The following TNNT1 variants were observed in gnomAD, a reference collection of about 807,000 sequenced individuals.
TNNT1 encodes the protein troponin T1, slow skeletal type, also known as troponin T, slow skeletal muscle.
Under a neutral mutation model 50.6 loss-of-function variants are expected in TNNT1, and 53 were observed. The observed-to-expected ratio is 1.05, with a 90% CI of 0.84 to 1.32. TNNT1 has a LOEUF of 1.32. Ranked by LOEUF, TNNT1 falls within the 40% of genes most tolerant of loss-of-function variation. The pLI is 0.00. For missense variants in TNNT1, 348 were observed against 381.7 expected (o/e 0.91, Z 0.74); for synonymous variants, 142 against 138.0 (o/e 1.03, Z -0.20).
chr19:55,132,809 T>C lies in TNNT1; in HGVS notation c.*106A>G, dbSNP rs1013698109. ...GAGACCAGCTGCATCTCAACCATAATAACATCAGAGAACCCAGCGGGTGTC... is the reference window on the plus strand; with the variant it reads ...GAGACCAGCTGCATCTCAACCATAACAACATCAGAGAACCCAGCGGGTGTC... On this transcript the variant is annotated 3_prime_UTR_variant, in exon 14 of 14. Coordinates refer to ENST00000588981, the MANE Select transcript of TNNT1 (RefSeq NM_003283.6). 2.8e-6 allele frequency: 3 copies of C among 1,071,254 alleles called. No individual in the cohort carries two copies. Among genetic ancestry groups the C allele is most frequent in the Middle Eastern group, 2.0e-4 (1 of 5,112 alleles). The allele number at this position is 1,071,254 out of a possible 1,614,324, so 66.4% of individuals were successfully genotyped here.
At chr19:55,147,068 G>A (rs368465305) in intron 2 of TNNT1, 47 bp from the exon 3 acceptor site, 10 of 1,613,166 alleles carry the variant, frequency 6.2e-6, no homozygotes, top group Non-Finnish European at 8.5e-6. Flanking sequence ...AGTTAGACCT[G>A]GGGTGGGAGA....
At chr19:55,146,920 C>T in intron 3 of TNNT1, 88 bp downstream of exon 3, 3 of 1,473,624 alleles carry the variant, frequency 2.0e-6, no homozygotes, top group Non-Finnish European at 2.7e-6. Flanking sequence ...CCGCCCCTTC[C>T]CCGCCAAAGT....
At chr19:55,145,004 A>G (rs2085521448) in intron 6 of TNNT1, among the ~76,000 whole-genome samples, 1 of 151,986 alleles carries the variant, frequency 6.6e-6, no homozygotes, top group African/African-American at 2.4e-5. Flanking sequence ...GAAAGAAGGA[A>G]ACAGACTGGC....
At chr19:55,146,614 C>T (rs762057772) in intron 4 of TNNT1, 67 bp downstream of exon 4, 2 of 1,181,736 alleles carry the variant, frequency 1.7e-6, no homozygotes, top group African/African-American at 3.1e-5. Context: ...CCCGCCCCCT[C>T]CTCCCGGGCC....
chr19:55,138,221 A>T, intron 9 of TNNT1, 147 bp from the exon 10 acceptor site: 1 of 1,395,188 alleles, frequency 7.2e-7, no homozygotes, highest in South Asian at 1.2e-5. Context: ...ACGCAGGGGT[A>T]CCCACTCCCG....
Position 55,146,682 on chromosome 19 carries a change from TTCC to T in TNNT1, c.69_71del (p.Glu24del), listed in dbSNP as rs760264736. 7.7e-5 allele frequency: 103 copies of T among 1,339,258 alleles called. No individual in the cohort carries two copies. Among genetic ancestry groups the T allele is most frequent in the Middle Eastern group, 5.2e-4 (2 of 3,812 alleles). The allele number at this position is 1,339,258 out of a possible 1,614,324, so 83.0% of individuals were successfully genotyped here. A position where few individuals can be genotyped will look rare whatever the true frequency, so the allele number is the denominator to read the frequency against. ...GACCTGCGGAGTCCGGGACCTCACCTTCCTCCTCCTCCTCCGCAGCCTCCTCTG... is the reference window on the plus strand; with the variant it reads ...GACCTGCGGAGTCCGGGACCTCACCTTCCTCCTCCTCCGCAGCCTCCTCTG... On this transcript the variant is annotated inframe_deletion and splice_region_variant, in exon 4 of 14. Coordinates refer to ENST00000588981, the MANE Select transcript of TNNT1 (RefSeq NM_003283.6).
At position 55,137,960 on chromosome 19, in the gene TNNT1, C is replaced by A; in HGVS notation, c.501+1G>T. The A allele has an allele frequency of 6.2e-7, 1 of 1,614,200 alleles. No individual in the cohort carries two copies. On this transcript the variant is annotated splice_donor_variant, in intron 10 of 13. Coordinates refer to ENST00000588981, the MANE Select transcript of TNNT1 (RefSeq NM_003283.6). LOFTEE classifies it high-confidence loss of function. ...CCTCAGGCTCCTGCAGGCTGACTCA[C>A]CTTGACCAGGTAGCCGCCAAAATGG...
At chr19:55,140,364 G>C (rs2085427848) in intron 9 of TNNT1, among the ~76,000 whole-genome samples, 1 of 151,768 alleles carries the variant, frequency 6.6e-6, no homozygotes, top group Non-Finnish European at 1.5e-5. Flanking sequence ...CAGCGACTCT[G>C]GAGGCTGAGG....
chr19:55,147,193 A>G (rs202110665), intron 1 of TNNT1, 25 bp from the exon 2 acceptor site: 2 of 1,611,000 alleles, frequency 1.2e-6, no homozygotes, highest in Middle Eastern at 1.7e-4. Flanking sequence ...GAAGAGGCCC[A>G]GTGGGGTGGG....
chr19:55,138,885 G>A (rs907157299), intron 9 of TNNT1, among the ~76,000 whole-genome samples: 3 of 152,160 alleles, frequency 2.0e-5, no homozygotes, highest in Admixed American at 6.6e-5. Flanking sequence ...TACGACATTC[G>A]AGAAACTCTT....
At position 55,145,526 on chromosome 19, in the gene TNNT1, C is replaced by T. The variant is rs747704323; in HGVS notation, c.128+18G>A. ...AGGAAGATGTATGACTGGGGCCCCC[C>T]ACCCTGTAGGATCTCACCTTGGTTT... is the stretch of plus-strand genomic sequence containing the variant. On this transcript the variant is annotated intron_variant, in intron 6 of 13. Coordinates refer to ENST00000588981, the MANE Select transcript of TNNT1 (RefSeq NM_003283.6). 1.2e-6 allele frequency: 2 copies of T among 1,613,152 alleles called. No individual in the cohort carries two copies. The highest frequency in any genetic ancestry group is 1.7e-5 in the Admixed American group (1 of 59,944).
rs199639821 is a variant in TNNT1, at chr19:55,140,871, G to A, written c.387+12C>T. 1 of 1,612,780 alleles carries A rather than the reference G, an allele frequency of 6.2e-7. No homozygotes were observed. Among genetic ancestry groups the A allele is most frequent in the East Asian group, 2.2e-5 (1 of 44,880 alleles). The stretch of plus-strand genomic sequence containing the variant: ...GTAACATTTGGGCTCTCAGGGCAGG[G>A]GAGGCACCCACCGCCAGCTTAGCCT... On this transcript the variant is annotated intron_variant, in intron 9 of 13. Transcript: ENST00000588981.
chr19:55,137,905 C>T (rs1293797668), intron 10 of TNNT1, 56 bp downstream of exon 10: 4 of 1,600,072 alleles, frequency 2.5e-6, no homozygotes. Flanking sequence ...AGAGGTCTGG[C>T]CCCCAGCCCC....
intron 9 of TNNT1, among the ~76,000 whole-genome samples, chr19:55,139,444 G>C (rs553225797): frequency 4.1e-4 from 63 of 152,298 alleles, no homozygotes; most frequent in Non-Finnish European, 6.8e-4. Context: ...ATTTATTCTG[G>C]AGGTTCTAGG....
At chr19:55,138,314 G>A (rs1029090042) in intron 9 of TNNT1, among the ~76,000 whole-genome samples, 2 of 146,630 alleles carry the variant, frequency 1.4e-5, no homozygotes, top group African/African-American at 5.1e-5. Flanking sequence ...CTCTCGCTCT[G>A]TTGCTCAGGC....
chr19:55,136,803 C>T (rs1400276263), intron 11 of TNNT1, among the ~76,000 whole-genome samples: 1 of 152,152 alleles, frequency 6.6e-6, no homozygotes, highest in Non-Finnish European at 1.5e-5. Context: ...TCCTGAGCTC[C>T]AAGGCACATC....
intron 9 of TNNT1, among the ~76,000 whole-genome samples, chr19:55,139,059 A>G (rs2085405667): frequency 1.3e-5 from 2 of 151,848 alleles, no homozygotes; most frequent in African/African-American, 2.4e-5. Context: ...CAGTGGTGCA[A>G]TCTCTGCTCT....
chr19:55,144,173 T>A (rs2147262166), intron 6 of TNNT1, among the ~76,000 whole-genome samples: 1 of 150,406 alleles, frequency 6.6e-6, no homozygotes, highest in South Asian at 2.1e-4. Context: ...GTTCAAGCGA[T>A]TCTCCTGCCT....
In TNNT1 at chr19:55,141,286, C is replaced by G; in HGVS notation, c.209G>C (p.Arg70Pro). 1 of 1,614,130 alleles carries G rather than the reference C, an allele frequency of 6.2e-7. No homozygotes were observed. Among genetic ancestry groups the G allele is most frequent in the Non-Finnish European group, 8.5e-7 (1 of 1,179,948 alleles). ...RVDFDDIHRK[R>P]MEKDLLELQT... is the part of the protein sequence containing the mutation. ...CAGCTCCAGCAGGTCTTTCTCCATG[C>G]GCTTGCGGTGGATGTCCTGCAGGAC... is the stretch of plus-strand genomic sequence containing the variant. Residue 70 changes from arginine (R) to proline (P), a missense_variant, in exon 8 of 14, where the codon CGC (arginine) becomes CCC (proline). This residue lies in a region of TNNT1 where 253 missense variants were observed against 291.8 expected (regional missense o/e 0.87). Coordinates refer to ENST00000588981, the MANE Select transcript of TNNT1 (RefSeq NM_003283.6).
Sources: gnomAD v4.1 joint callset for allele counts (sites outside exome capture counted in the v4.1 genomes callset) on GRCh38, gnomAD v4.1.1 for gene constraint, gnomAD v4.1.1 regional missense constraint, MANE v1.5 for transcripts, NCBI Gene and HGNC (gene_info 2026-07-23, HGNC 2026-07-21) for gene names.